BDH2: variants seen among roughly 807,000 people sequenced by gnomAD.
The protein encoded by BDH2 is dehydrogenase/reductase SDR family member 6.
Under a neutral mutation model 33.2 loss-of-function variants are expected in BDH2, and 24 were observed. The observed-to-expected ratio is 0.72, with a 90% confidence interval of 0.52 to 1.02. The LOEUF is 1.02. BDH2 is among the 50% of genes least tolerant of loss of function. The pLI, the probability that BDH2 is intolerant of heterozygous loss-of-function variation, is 0.00. For synonymous variants in BDH2, 81 were observed against 101.6 expected, an observed-to-expected ratio of 0.80 and a Z score of 1.22; for missense variants, 249 against 301.6, an observed-to-expected ratio of 0.83 and a Z score of 1.29.
chr4:103,096,357 T>C, intron 1 of BDH2, 83 bp from the exon 2 acceptor site: 1 of 846,816 alleles, frequency 1.2e-6, no homozygotes, highest in Non-Finnish European at 1.9e-6. Context: ...TAGTTCAGTG[T>C]GCTCTTTTAA....
chr4:103,079,954 A>G (rs1484468163), intron 9 of BDH2, among the ~76,000 whole-genome samples, 199 bp from the exon 10 acceptor site: 2 of 152,214 alleles, frequency 1.3e-5, no homozygotes, highest in Non-Finnish European at 2.9e-5. Flanking sequence ...ATCTGGAACT[A>G]AATGGCCTCT....
rs1180401542 is a variant in BDH2 at position 103,091,232 on chromosome 4, G to C, written c.302C>G (p.Ser101Trp). 6.2e-7 allele frequency: 1 copy of C among 1,613,302 alleles called. No homozygotes were observed. Among genetic ancestry groups the C allele is most frequent in the African/African-American group, 1.3e-5 (1 of 74,862 alleles). ...LDCEEKDWDF[S>W]MNLNVRSMYL... Reference sequence around the variant, plus strand: ...CATGCTGCGCACATTGAGATTCATCGAGAAGTCCCAGTCTTTCTCCTCACA... The same window carrying C: ...CATGCTGCGCACATTGAGATTCATCCAGAAGTCCCAGTCTTTCTCCTCACA... The change falls in exon 5 of 10, where the codon TCG becomes TGG. Residue 101 changes from serine (S) to tryptophan (W), a missense_variant. By Grantham distance (177) the Ser-to-Trp change is radical. Coordinates refer to ENST00000296424, the MANE Select transcript of BDH2 (RefSeq NM_020139.4).
chr4:103,089,987 G>A (rs1052656750), intron 5 of BDH2, among the ~76,000 whole-genome samples: 4 of 152,150 alleles, frequency 2.6e-5, no homozygotes, highest in African/African-American at 9.7e-5. Flanking sequence ...ATGTTCATCT[G>A]GAACCTTCTT....
At chr4:103,081,966 G>C in intron 9 of BDH2, 115 bp downstream of exon 9, 1 of 768,672 alleles carries the variant, frequency 1.3e-6, no homozygotes, top group Non-Finnish European at 2.2e-6. Context: ...TCTTATAAAT[G>C]TAGCATCTTA....
At chr4:103,092,842 T>G in intron 3 of BDH2, 146 bp from the exon 4 acceptor site, 2 of 675,340 alleles carry the variant, frequency 3.0e-6, no homozygotes, top group Non-Finnish European at 5.3e-6. Flanking sequence ...CTTAAGAATC[T>G]TCAGAGTCTC....
At chr4:103,086,214 C>T (rs549666732) in intron 6 of BDH2, 2 of 1,224,678 alleles carry the variant, frequency 1.6e-6, no homozygotes, top group African/African-American at 1.6e-5. Context: ...GGTTCTTTCT[C>T]CCAGTTTGAT....
intron 7 of BDH2, among the ~76,000 whole-genome samples, chr4:103,084,735 G>C (rs1451439852): frequency 6.6e-6 from 1 of 152,132 alleles, no homozygotes; most frequent in Non-Finnish European, 1.5e-5. Context: ...CTGTAGCTTG[G>C]GGGATGTTTA....
chr4:103,090,985 T>C (rs1748056974), intron 5 of BDH2, among the ~76,000 whole-genome samples, 192 bp downstream of exon 5: 1 of 152,232 alleles, frequency 6.6e-6, no homozygotes, highest in African/African-American at 2.4e-5. Context: ...GCTTAATAAA[T>C]ATTCCTTGAG....
At chr4:103,086,205 G>A (rs749603071) in intron 6 of BDH2, 42 of 1,215,338 alleles carry the variant, frequency 3.5e-5, no homozygotes, top group Non-Finnish European at 4.1e-5. Flanking sequence ...ATGTTAAATG[G>A]TTCTTTCTCC....
At chr4:103,085,202 G>T in intron 7 of BDH2, 147 bp downstream of exon 7, 1 of 634,356 alleles carries the variant, frequency 1.6e-6, no homozygotes. Flanking sequence ...AATATTTATG[G>T]CTTTGAGAGT....
chr4:103,093,174 C>G (rs1748196971), intron 3 of BDH2, among the ~76,000 whole-genome samples: 1 of 152,082 alleles, frequency 6.6e-6, no homozygotes, highest in African/African-American at 2.4e-5. Flanking sequence ...CTTCCCCTGC[C>G]AGAGACTGGG....
chr4:103,081,401 G>A (rs1227390053), intron 9 of BDH2, among the ~76,000 whole-genome samples: 2 of 152,116 alleles, frequency 1.3e-5, no homozygotes, highest in Non-Finnish European at 2.9e-5. Context: ...TGGTTCAAGC[G>A]ATTCTCCTGC....
Position 103,077,664 on chromosome 4 carries a change from T to C in BDH2, c.*2038A>G, listed in dbSNP as rs1192674286. ...ATTTATTTGTTCATAGCTATACATA[T>C]ATTATACATGTATACCTGCTCACAG... On this transcript the variant is annotated 3_prime_UTR_variant, in exon 10 of 10. Coordinates refer to ENST00000296424, the MANE Select transcript of BDH2 (RefSeq NM_020139.4). Among the ~76,000 whole-genome samples, 1 of 152,230 alleles carries C rather than the reference T, an allele frequency of 6.6e-6. No individual in the cohort carries two copies. Among genetic ancestry groups the C allele is most frequent in the African/African-American group, 2.4e-5 (1 of 41,458 alleles).
intron 6 of BDH2, 198 bp from the exon 7 acceptor site, chr4:103,085,660 C>T (rs1342476161): frequency 1.3e-6 from 2 of 1,499,234 alleles, no homozygotes; most frequent in East Asian, 2.7e-5. Flanking sequence ...TCAGTATAGG[C>T]ACAACTTAAT....
At chr4:103,094,542 T>C (rs1748271709) in intron 3 of BDH2, among the ~76,000 whole-genome samples, 1 of 152,058 alleles carries the variant, frequency 6.6e-6, no homozygotes, top group Non-Finnish European at 1.5e-5. Context: ...ATGTTGAACA[T>C]CTTGAATATA....
rs138969913 is a variant in BDH2, at chr4:103,083,898, T to A, written c.533-969A>T. Reference sequence around the variant, plus strand: ...CTGACTCCATTTTGGAACCCCCTCTTTAGGTTGGTTATCTGTCTCTTGTCA... The same window carrying A: ...CTGACTCCATTTTGGAACCCCCTCTATAGGTTGGTTATCTGTCTCTTGTCA... On this transcript the variant is annotated intron_variant, in intron 7 of 9. Transcript: ENST00000296424. 2.6e-3 allele frequency among the ~76,000 whole-genome samples: 402 copies of A among 152,318 alleles called. 2 individuals carry two copies. The highest frequency in any genetic ancestry group is 9.2e-3 in the African/African-American group (382 of 41,570).
chr4:103,099,119 T>C (rs1259523086), intron 1 of BDH2: 3 of 152,200 alleles, frequency 2.0e-5, no homozygotes, highest in Non-Finnish European at 4.4e-5. Context: ...CTAAGCATGG[T>C]GCACAAAAGC....
rs756200831 is a variant in BDH2 at position 103,085,421 on chromosome 4, C to T, written c.460G>A (p.Val154Met). ...RCVYSTTKAA[V>M]IGLTKSVAAD... is the part of the protein sequence containing the mutation. Reference sequence around the variant, plus strand: ...GCCACAGATTTTGTGAGGCCAATCACGGCTGCCTTGGTTGTGCTGTACACA... The same window carrying T: ...GCCACAGATTTTGTGAGGCCAATCATGGCTGCCTTGGTTGTGCTGTACACA... The change falls in exon 7 of 10, where the codon GTG becomes ATG. Residue 154 changes from valine (V) to methionine (M), a missense_variant. Transcript: ENST00000296424. The T allele has an allele frequency of 2.4e-5, 38 of 1,612,988 alleles. No homozygotes were observed. The highest frequency in any genetic ancestry group is 2.1e-4 in the African/African-American group (16 of 74,918).
At chr4:103,091,307 G>A (rs1381893836) in intron 4 of BDH2, 22 bp from the exon 5 acceptor site, 2 of 1,524,750 alleles carry the variant, frequency 1.3e-6, no homozygotes, top group Non-Finnish European at 1.8e-6. Context: ...ATTAAACAAT[G>A]GAAGAATAAC....
Sources: gnomAD v4.1 joint callset for allele counts (sites outside exome capture counted in the v4.1 genomes callset) on GRCh38, gnomAD v4.1.1 for gene constraint, MANE v1.5 for transcripts, NCBI Gene and HGNC (gene_info 2026-07-23, HGNC 2026-07-21) for gene names.